ZNF706: variants seen among roughly 807,000 people sequenced by gnomAD.
ZNF706 encodes zinc finger protein 706.
A neutral mutation model predicts 9.2 loss-of-function variants in ZNF706; 4 were observed. The observed-to-expected ratio is 0.43, with a 90% CI of 0.21 to 0.99. ZNF706 has a LOEUF of 0.99. ZNF706 is among the 50% of genes least tolerant of loss of function. The pLI, the probability that ZNF706 is intolerant of heterozygous loss-of-function variation, is 0.26. For synonymous variants in ZNF706, 28 were observed against 27.3 expected (o/e 1.03, Z -0.08); for missense variants, 27 against 87.8 (o/e 0.31, Z 2.77).
rs1810729084 is a variant in ZNF706, at chr8:101,205,492, G to A, written c.-60C>T. On this transcript the variant is annotated 5_prime_UTR_variant, in exon 1 of 4. Coordinates refer to ENST00000311212, the MANE Select transcript of ZNF706 (RefSeq NM_016096.5). The surrounding 1 kb of genome is among the most constrained non-coding windows in gnomAD (Gnocchi z 6.6). ...GTGCAGCGCGAGAGGGCCGGGAGAG[G>A]ACGCCGGAGGGAAAGGAAGGGGGAG... 6.5e-6 allele frequency: 1 copy of A among 154,500 alleles called. No homozygotes were observed. The highest frequency in any genetic ancestry group is 1.4e-5 in the Non-Finnish European group (1 of 69,278). 9.6% of individuals were successfully genotyped at this position (154,500 alleles called of 1,614,324 possible). A position where few individuals can be genotyped will look rare whatever the true frequency, so the allele number is the denominator to read the frequency against.
chr8:101,206,120 A>T (rs1810764854), upstream of ZNF706: 2 of 152,122 alleles, frequency 1.3e-5, no homozygotes, highest in African/African-American at 2.4e-5. Flanking sequence ...CTGGCCCGGG[A>T]GCGGATCGCG....
In ZNF706 at chr8:101,197,453, T is replaced by C. The variant is rs947511955; in HGVS notation, c.*1799A>G. The C allele has an allele frequency of 2.6e-5, 4 of 152,008 alleles. No individual in the cohort carries two copies. The highest frequency in any genetic ancestry group is 6.6e-5 in the Admixed American group (1 of 15,254). The allele number at this position is 152,008 out of a possible 1,614,324, so 9.4% of individuals were successfully genotyped here. ...TATCACTGAGATATAGTGTTAAATA[T>C]GGTGTCTTCAGCTGCTTATAAAAAA... is the stretch of plus-strand genomic sequence containing the variant. On this transcript the variant is annotated 3_prime_UTR_variant, in exon 4 of 4. Transcript: ENST00000311212.
Position 101,204,081 on chromosome 8 carries a change from T to C in ZNF706, c.-3+1354A>G, listed in dbSNP as rs537633958. On this transcript the variant is annotated intron_variant, in intron 1 of 3. Coordinates refer to ENST00000311212, the MANE Select transcript of ZNF706 (RefSeq NM_016096.5). Reference sequence around the variant, plus strand: ...TCGACACAATGTATTTTATGTATCTTAATACACTGATTTTGTGGGAAATCT... The same window carrying C: ...TCGACACAATGTATTTTATGTATCTCAATACACTGATTTTGTGGGAAATCT... 6 of 152,362 alleles carry C rather than the reference T, an allele frequency of 3.9e-5. No individual in the cohort carries two copies. The South Asian group carries it at 1.2e-3, about 32-fold the overall frequency. 9.4% of individuals were successfully genotyped at this position (152,362 alleles called of 1,614,324 possible). A position where few individuals can be genotyped will look rare whatever the true frequency, so the allele number is the denominator to read the frequency against.
intron 3 of ZNF706, among the ~76,000 whole-genome samples, chr8:101,199,463 C>T (rs1810480067): frequency 6.6e-6 from 1 of 152,124 alleles, no homozygotes; most frequent in African/African-American, 2.4e-5. Flanking sequence ...AAAAATCCAA[C>T]CAAATGTAAT....
In ZNF706 at chr8:101,201,982, T is replaced by C. The variant is rs1251813072; in HGVS notation, c.-2-239A>G. 1.3e-5 allele frequency among the ~76,000 whole-genome samples: 2 copies of C among 152,136 alleles called. No individual in the cohort carries two copies. Among genetic ancestry groups the C allele is most frequent in the Non-Finnish European group, 2.9e-5 (2 of 68,024 alleles). On this transcript the variant is annotated intron_variant, in intron 1 of 3. Transcript: ENST00000311212. The surrounding 1 kb of genome is among the most constrained non-coding windows in gnomAD (Gnocchi z 4.5). ...AGCCAGCAATTCCACTCTTGGTATA[T>C]ACCCAATAGAAATGCAAATGTTATG...
rs1394550728 is a variant in ZNF706 at position 101,197,533 on chromosome 8, CG to C, written c.*1718del. 6.9e-6 allele frequency: 1 copy of C among 145,764 alleles called. No individual in the cohort carries two copies. Among genetic ancestry groups the C allele is most frequent in the Non-Finnish European group, 1.5e-5 (1 of 66,796 alleles). 9.0% of individuals were successfully genotyped at this position (145,764 alleles called of 1,614,324 possible). Reference sequence around the variant, plus strand: ...ATCCTGAATTAGTCACTAAAACAAACGAAAAAAAAAAAACCAAAACTTGTGA... The same window carrying C: ...ATCCTGAATTAGTCACTAAAACAAACAAAAAAAAAAAACCAAAACTTGTGA... On this transcript the variant is annotated 3_prime_UTR_variant, in exon 4 of 4. Coordinates refer to ENST00000311212, the MANE Select transcript of ZNF706 (RefSeq NM_016096.5).
rs916442144 is a variant in ZNF706 at position 101,199,211 on chromosome 8, T to C, written c.*41A>G. 4.3e-6 allele frequency: 3 copies of C among 701,848 alleles called. No individual in the cohort carries two copies. The African/African-American group carries it at 5.2e-5, about 12-fold the overall frequency. The allele number at this position is 701,848 out of a possible 1,614,324, so 43.5% of individuals were successfully genotyped here. A position where few individuals can be genotyped will look rare whatever the true frequency, so the allele number is the denominator to read the frequency against. ...GTATGTTACCTAAGGTCTGAGACAG[T>C]AGAAGAGTCAAAGGTGTCATGAATT... On this transcript the variant is annotated 3_prime_UTR_variant, in exon 4 of 4. Transcript: ENST00000311212.
upstream of ZNF706, chr8:101,206,042 C>A (rs1319730442): frequency 6.6e-6 from 1 of 152,228 alleles, no homozygotes; most frequent in African/African-American, 2.4e-5. Flanking sequence ...GCGCTGCGAC[C>A]CTTTTCCCGC....
In ZNF706 at chr8:101,197,592, C is replaced by A. The variant is rs533256100; in HGVS notation, c.*1660G>T. 1 of 150,636 alleles carries A rather than the reference C, an allele frequency of 6.6e-6. No individual in the cohort carries two copies. Among genetic ancestry groups the A allele is most frequent in the African/African-American group, 2.4e-5 (1 of 41,100 alleles). 9.3% of individuals were successfully genotyped at this position (150,636 alleles called of 1,614,324 possible). On this transcript the variant is annotated 3_prime_UTR_variant, in exon 4 of 4. Coordinates refer to ENST00000311212, the MANE Select transcript of ZNF706 (RefSeq NM_016096.5). Reference sequence around the variant, plus strand: ...TATATGATTTGTCACTAAACATATACATATGCTCAAAGCACTTTTAAAAAC... The same window carrying A: ...TATATGATTTGTCACTAAACATATAAATATGCTCAAAGCACTTTTAAAAAC...
intron 3 of ZNF706, 128 bp downstream of exon 3, chr8:101,199,862 C>T (rs1810496531): frequency 4.6e-6 from 3 of 651,222 alleles, no homozygotes; most frequent in Non-Finnish European, 7.8e-6. Context: ...TTCAGTTACA[C>T]ATTAACTTAA....
chr8:101,201,589 C>G lies in ZNF706; in HGVS notation c.135+18G>C. 1 of 1,607,006 alleles carries G rather than the reference C, an allele frequency of 6.2e-7. No homozygotes were observed. ...CTGCCCACGGGAGAGCTGTATCTTT[C>G]AATTCAATTCCCCTTACCCTACAGA... On this transcript the variant is annotated intron_variant, in intron 2 of 3. Coordinates refer to ENST00000311212, the MANE Select transcript of ZNF706 (RefSeq NM_016096.5). The surrounding 1 kb of genome is among the most constrained non-coding windows in gnomAD (Gnocchi z 4.5).
intron 3 of ZNF706, 61 bp from the exon 4 acceptor site, chr8:101,199,300 C>T: frequency 2.9e-6 from 2 of 696,340 alleles, no homozygotes; most frequent in Admixed American, 4.1e-5. Flanking sequence ...AACTTACATG[C>T]ATTTCAAATA....
In ZNF706 at chr8:101,201,399, C is replaced by T; in HGVS notation, c.135+208G>A. On this transcript the variant is annotated intron_variant, in intron 2 of 3. Transcript: ENST00000311212. This position sits in a 1 kb window ranked among gnomAD's most constrained non-coding sequence, Gnocchi z 4.5. ...ATTTTGTTTTGTTCACTCTGTTTTC[C>T]CAGCACCTAGAGATTTTTGCCTGGC... The T allele has an allele frequency of 3.8e-6, 2 of 532,368 alleles. No individual in the cohort carries two copies. The highest frequency in any genetic ancestry group is 6.5e-6 in the Non-Finnish European group (2 of 306,080). The allele number at this position is 532,368 out of a possible 1,614,324, so 33.0% of individuals were successfully genotyped here. A position where few individuals can be genotyped will look rare whatever the true frequency, so the allele number is the denominator to read the frequency against.
rs1810700811 is a variant in ZNF706 at position 101,205,011 on chromosome 8, A to ACCCGCCTCT, written c.-3+415_-3+423dup. On this transcript the variant is annotated intron_variant, in intron 1 of 3. Coordinates refer to ENST00000311212, the MANE Select transcript of ZNF706 (RefSeq NM_016096.5). This position sits in a 1 kb window ranked among gnomAD's most constrained non-coding sequence, Gnocchi z 6.6. Reference sequence around the variant, plus strand: ...CAGCCTGGCGCACCTTCCTTCCCAAACCCGCCTCTCCCGCCTCGGAGACCC... The same window carrying ACCCGCCTCT: ...CAGCCTGGCGCACCTTCCTTCCCAAACCCGCCTCTCCCGCCTCTCCCGCCTCGGAGACCC... 4.3e-6 allele frequency: 4 copies of ACCCGCCTCT among 932,120 alleles called. No homozygotes were observed. In the South Asian group the frequency reaches 2.0e-4, roughly 47 times the overall value. 57.7% of individuals were successfully genotyped at this position (932,120 alleles called of 1,614,324 possible). A position where few individuals can be genotyped will look rare whatever the true frequency, so the allele number is the denominator to read the frequency against.
upstream of ZNF706, chr8:101,205,924 A>G (rs1810758172): frequency 6.6e-6 from 1 of 152,018 alleles, no homozygotes; most frequent in Non-Finnish European, 1.5e-5. This position sits in a 1 kb window ranked among gnomAD's most constrained non-coding sequence, Gnocchi z 6.6. Flanking sequence ...CGGCTTCTTC[A>G]CCCAGCCCTG....
At chr8:101,199,316 G>A (rs989172688) in intron 3 of ZNF706, 77 bp from the exon 4 acceptor site, 12 of 692,988 alleles carry the variant, frequency 1.7e-5, no homozygotes, top group Non-Finnish European at 2.4e-5. Flanking sequence ...AAATAACTAA[G>A]AAGAAACACT....
intron 2 of ZNF706, chr8:101,200,837 G>C (rs1432788827): frequency 6.4e-6 from 1 of 156,756 alleles, no homozygotes; most frequent in Non-Finnish European, 1.4e-5. Flanking sequence ...AAACAGGCAA[G>C]AGGCTCTGAT....
Position 101,199,009 on chromosome 8 carries a change from T to C in ZNF706, c.*243A>G, listed in dbSNP as rs373607185. The stretch of plus-strand genomic sequence containing the variant: ...ATGAACATCAATATAATTACAATTG[T>C]AAAAAAATTTTTTATAACAAGGATG... On this transcript the variant is annotated 3_prime_UTR_variant, in exon 4 of 4. Coordinates refer to ENST00000311212, the MANE Select transcript of ZNF706 (RefSeq NM_016096.5). The C allele has an allele frequency of 2.4e-6, 1 of 421,820 alleles. No individual in the cohort carries two copies. The highest frequency in any genetic ancestry group is 2.0e-5 in the African/African-American group (1 of 50,060). The allele number at this position is 421,820 out of a possible 1,614,324, so 26.1% of individuals were successfully genotyped here.
chr8:101,201,372 C>A lies in ZNF706; in HGVS notation c.135+235G>T. ...ACATCTTTATTTTATATGAGGAAAG[C>A]AATTTTGTTTTGTTCACTCTGTTTT... On this transcript the variant is annotated intron_variant, in intron 2 of 3. Transcript: ENST00000311212. The surrounding 1 kb of genome is among the most constrained non-coding windows in gnomAD (Gnocchi z 4.5). The A allele has an allele frequency of 2.1e-6, 1 of 485,670 alleles. No homozygotes were observed. 30.1% of individuals were successfully genotyped at this position (485,670 alleles called of 1,614,324 possible).
Sources: allele counts gnomAD v4.1 joint callset (sites outside exome capture counted in the v4.1 genomes callset), GRCh38; gene constraint gnomAD v4.1.1; non-coding constraint Gnocchi (gnomAD v3.1); transcripts MANE v1.5; gene names NCBI Gene and HGNC (gene_info 2026-07-23, HGNC 2026-07-21).